Variants in KIF20B observed in about 807,000 individuals in gnomAD.
KIF20B encodes kinesin-like protein KIF20B.
Under a neutral mutation model 232.5 loss-of-function variants are expected in KIF20B, and 188 were observed. That is an observed-to-expected ratio of 0.81 (90% CI 0.72 to 0.91). KIF20B has a LOEUF of 0.91. KIF20B is among the 40% of genes least tolerant of loss of function. The probability of loss-of-function intolerance (pLI) is 0.00; values close to 1 mark genes in which losing one functional copy is unlikely to be tolerated. For missense variants in KIF20B, 2,154 were observed against 2,055.9 expected (o/e 1.05, Z -0.92); for synonymous variants, 712 against 683.0 (o/e 1.04, Z -0.66).
At chr10:89,733,145 T>C (rs1483837943) in intron 19 of KIF20B, 89 bp downstream of exon 19, 1 of 1,329,274 alleles carries the variant, frequency 7.5e-7, no homozygotes, top group African/African-American at 1.5e-5. Context: ...GGCATTCACT[T>C]GTCTAAGGAA....
chr10:89,726,634 C>G (rs1843193296), intron 16 of KIF20B, 113 bp downstream of exon 16: 1 of 835,352 alleles, frequency 1.2e-6, no homozygotes, highest in Admixed American at 3.8e-5. Flanking sequence ...AAAATTCTTT[C>G]ATCTAGGTAA....
At chr10:89,739,190 C>A in intron 21 of KIF20B, 94 bp downstream of exon 21, 2 of 1,282,308 alleles carry the variant, frequency 1.6e-6, no homozygotes, top group Non-Finnish European at 2.2e-6. Context: ...TTGAATAGAA[C>A]ATTTATCCAC....
At position 89,737,514 on chromosome 10, in the gene KIF20B, A is replaced by T; in HGVS notation, c.2673A>T (p.Leu891Phe). 6.2e-7 allele frequency: 1 copy of T among 1,610,394 alleles called. No homozygotes were observed. Among genetic ancestry groups the T allele is most frequent in the Non-Finnish European group, 8.5e-7 (1 of 1,177,912 alleles). The change falls in exon 20 of 33, where the codon TTA becomes TTT. Residue 891 changes from leucine (L) to phenylalanine (F), a missense_variant. Physicochemically the swap from Leu to Phe is conservative, Grantham distance 22. Coordinates refer to ENST00000371728, the MANE Select transcript of KIF20B (RefSeq NM_001284259.2). ...ATAATGAAGGACTGAGAGCATTTTT[A>T]CTCACTATTGAGAATGAACTTAAAA... Reference protein sequence around the residue: ...QENNEGLRAFLLTIENELKNE... With the variant: ...QENNEGLRAFFLTIENELKNE...
At chr10:89,715,897 A>G (rs934895015) in intron 8 of KIF20B, among the ~76,000 whole-genome samples, 1 of 146,226 alleles carries the variant, frequency 6.8e-6, no homozygotes, top group Non-Finnish European at 1.5e-5. Context: ...AGGCTGAGGC[A>G]GGAGGATCAC....
intron 29 of KIF20B, among the ~76,000 whole-genome samples, chr10:89,767,794 G>T (rs1842393239): frequency 6.6e-6 from 1 of 151,800 alleles, no homozygotes; most frequent in African/African-American, 2.4e-5. Context: ...AAATGTCAAT[G>T]AGAGAACTTA....
In KIF20B at chr10:89,774,572, T is replaced by TA. The variant is rs1842531026; in HGVS notation, c.*525dup. 5 of 151,994 alleles carry TA rather than the reference T, an allele frequency of 3.3e-5. No homozygotes were observed. Among genetic ancestry groups the TA allele is most frequent in the Non-Finnish European group, 7.4e-5 (5 of 67,926 alleles). 9.4% of individuals were successfully genotyped at this position (151,994 alleles called of 1,614,324 possible). On this transcript the variant is annotated 3_prime_UTR_variant, in exon 33 of 33. Transcript: ENST00000371728. ...ATTTTGTGGGTACATAGTACATGTA[T>TA]ATATTTACGGGGTATGTGAGATGTT...
chr10:89,749,132 G>A (rs2133147525), intron 23 of KIF20B, among the ~76,000 whole-genome samples: 1 of 152,246 alleles, frequency 6.6e-6, no homozygotes, highest in East Asian at 1.9e-4. Context: ...CTCAGAATGA[G>A]TCTCAGCCAC....
rs1842024170 is a variant in KIF20B, at chr10:89,751,597, T to C, written c.4222+126T>C. 11 of 872,626 alleles carry C rather than the reference T, an allele frequency of 1.3e-5. No individual in the cohort carries two copies. In the South Asian group the frequency reaches 1.9e-4, roughly 15 times the overall value. The allele number at this position is 872,626 out of a possible 1,614,324, so 54.1% of individuals were successfully genotyped here. ...TTGATAATGGAAAAGTATTTGGTGTTTTTTGAATGTCCTATTACTTGTCAT... is the reference window on the plus strand; with the variant it reads ...TTGATAATGGAAAAGTATTTGGTGTCTTTTGAATGTCCTATTACTTGTCAT... On this transcript the variant is annotated intron_variant, in intron 24 of 32. Coordinates refer to ENST00000371728, the MANE Select transcript of KIF20B (RefSeq NM_001284259.2).
intron 31 of KIF20B, among the ~76,000 whole-genome samples, chr10:89,769,977 A>G (rs1842434354): frequency 6.6e-6 from 1 of 152,016 alleles, no homozygotes; most frequent in Non-Finnish European, 1.5e-5. Flanking sequence ...AAGGCTTACC[A>G]CAGACGTTTC....
rs748629781 is a variant in KIF20B at position 89,760,530 on chromosome 10, C to T, written c.4685C>T (p.Thr1562Ile). ...TTTAATATTTCCTTACTTTAGGAAA[C>T]ACAAATCATGGATATCAAGCCCAAA... ...RIISETSKIETQIMDIKPKRI... is the reference protein window; with the variant it reads ...RIISETSKIEIQIMDIKPKRI... The change falls in exon 28 of 33, where the codon ACA becomes ATA. Residue 1562 changes from threonine (T) to isoleucine (I), a missense_variant. By Grantham distance (89) the Thr-to-Ile change is moderately conservative. Transcript: ENST00000371728. 8 of 1,604,318 alleles carry T rather than the reference C, an allele frequency of 5.0e-6. No homozygotes were observed. Among genetic ancestry groups the T allele is most frequent in the Non-Finnish European group, 6.8e-6 (8 of 1,171,832 alleles).
rs150657646 is a variant in KIF20B at position 89,738,302 on chromosome 10, A to G, written c.3461A>G (p.Gln1154Arg). ...AAGAGAGCGCTTTCAGAACTTACACAAGGTGTTACTTGCTATAAGGCAAAA... is the reference window on the plus strand; with the variant it reads ...AAGAGAGCGCTTTCAGAACTTACACGAGGTGTTACTTGCTATAAGGCAAAA... ...EGKRALSELT[Q>R]GVTCYKAKIK... The change falls in exon 20 of 33, where the codon CAA becomes CGA. Residue 1154 changes from glutamine to arginine, a missense_variant. By Grantham distance (43) the Gln-to-Arg change is conservative. Transcript: ENST00000371728. The G allele has an allele frequency of 6.2e-7, 1 of 1,612,108 alleles. No homozygotes were observed. Among genetic ancestry groups the G allele is most frequent in the African/African-American group, 1.3e-5 (1 of 74,838 alleles).
chr10:89,743,194 T>C (rs1231575360), intron 21 of KIF20B, among the ~76,000 whole-genome samples: 5 of 152,210 alleles, frequency 3.3e-5, no homozygotes, highest in Admixed American at 2.6e-4. Flanking sequence ...GGGGTTGGTA[T>C]GATGGAAACT....
At chr10:89,747,058 TTTAAAA>T (rs1357852330) in intron 23 of KIF20B, among the ~76,000 whole-genome samples, 1 of 152,172 alleles carries the variant, frequency 6.6e-6, no homozygotes. Context: ...ATAAAATATC[TTTAAAA>T]TTAAAATGTG....
At chr10:89,736,236 C>T (rs1036692087) in intron 19 of KIF20B, among the ~76,000 whole-genome samples, 1 of 151,952 alleles carries the variant, frequency 6.6e-6, no homozygotes, top group African/African-American at 2.4e-5. Context: ...AGTAAGGTTT[C>T]GAGGATCTGA....
chr10:89,726,251 C>T, intron 15 of KIF20B, 42 bp from the exon 16 acceptor site: 1 of 1,509,000 alleles, frequency 6.6e-7, no homozygotes, highest in Non-Finnish European at 8.9e-7. Flanking sequence ...AAAGGGTGAA[C>T]CCTACTGTTA....
intron 25 of KIF20B, among the ~76,000 whole-genome samples, chr10:89,753,230 A>G (rs1842057247): frequency 6.6e-6 from 1 of 152,028 alleles, no homozygotes; most frequent in Non-Finnish European, 1.5e-5. Flanking sequence ...ACCAAATACT[A>G]TTTCATTTTG....
intron 25 of KIF20B, among the ~76,000 whole-genome samples, chr10:89,753,418 C>A (rs1226257446): frequency 6.6e-6 from 1 of 151,892 alleles, no homozygotes; most frequent in Non-Finnish European, 1.5e-5. Context: ...TAGAATTTAC[C>A]CTTTTCATTG....
Position 89,738,140 on chromosome 10 carries a change from A to G in KIF20B, c.3299A>G (p.Asn1100Ser), listed in dbSNP as rs114371507. ...AEVKGYKDEN[N>S]RLKEKEHKNQ... ...GTAAAAGGCTATAAGGATGAAAACA[A>G]TAGACTAAAGGAGAAGGAGCATAAA... is the stretch of plus-strand genomic sequence containing the variant. The change falls in exon 20 of 33, where the codon AAT (asparagine) becomes AGT (serine). Residue 1100 changes from asparagine (N) to serine (S), a missense_variant. Physicochemically the swap from Asn to Ser is conservative, Grantham distance 46 (BLOSUM62 1). Coordinates refer to ENST00000371728, the MANE Select transcript of KIF20B (RefSeq NM_001284259.2). The G allele has an allele frequency of 7.4e-6, 11 of 1,495,850 alleles. No individual in the cohort carries two copies. The highest frequency in any genetic ancestry group is 3.5e-4 in the Middle Eastern group (2 of 5,664). 92.7% of individuals were successfully genotyped at this position (1,495,850 alleles called of 1,614,324 possible).
chr10:89,724,226 C>A, intron 14 of KIF20B, 123 bp downstream of exon 14: 1 of 976,242 alleles, frequency 1.0e-6, no homozygotes, highest in Non-Finnish European at 1.4e-6. Flanking sequence ...TTTATACAAG[C>A]TTGAAAATAG....
Sources: gnomAD v4.1 joint callset for allele counts (sites outside exome capture counted in the v4.1 genomes callset) on GRCh38, gnomAD v4.1.1 for gene constraint, MANE v1.5 for transcripts, NCBI Gene and HGNC (gene_info 2026-07-23, HGNC 2026-07-21) for gene names.